Variants in VNN1 observed in about 807,000 individuals in gnomAD.
The protein encoded by VNN1 is pantetheinase.
Under a neutral mutation model 41.9 loss-of-function variants are expected in VNN1, and 29 were observed. That is an observed-to-expected ratio of 0.69 (90% CI 0.52 to 0.94). VNN1 has a LOEUF of 0.94. Among genes scored for constraint, VNN1 ranks in the 40% least tolerant of loss-of-function variants. The pLI is 0.00. For synonymous variants in VNN1, 233 were observed against 224.4 expected, an observed-to-expected ratio of 1.04 and a Z score of -0.34; for missense variants, 637 against 621.1, an observed-to-expected ratio of 1.03 and a Z score of -0.27.
Position 132,684,473 on chromosome 6 carries a change from AT to A in VNN1, c.1220del (p.Asn407IlefsTer2). 3 of 1,614,150 alleles carry A rather than the reference AT, an allele frequency of 1.9e-6. No homozygotes were observed. Among genetic ancestry groups the A allele is most frequent in the Non-Finnish European group, 2.5e-6 (3 of 1,179,994 alleles). On this transcript the variant is annotated frameshift_variant, in exon 6 of 7. Transcript: ENST00000367928. LOFTEE classifies it high-confidence loss of function. ...ICTLLKCKTT[N>X]LNTCGDSAET... is the part of the protein sequence containing the mutation. ...CAGCTGAGTCACCGCAAGTGTTTAA[AT>A]TAGTCGTTTTACATTTCAACAGGGT...
At chr6:132,688,675 G>A (rs763647981) in intron 5 of VNN1, among the ~76,000 whole-genome samples, 2 of 151,976 alleles carry the variant, frequency 1.3e-5, no homozygotes, top group South Asian at 4.2e-4. Flanking sequence ...AATTTATATA[G>A]CAATATAATA....
In VNN1 at chr6:132,682,919, G is replaced by A. The variant is rs954887231; in HGVS notation, c.*221C>T. 29 of 320,004 alleles carry A rather than the reference G, an allele frequency of 9.1e-5. No individual in the cohort carries two copies. Among genetic ancestry groups the A allele is most frequent in the Admixed American group, 5.4e-4 (11 of 20,502 alleles). The allele number at this position is 320,004 out of a possible 1,614,324, so 19.8% of individuals were successfully genotyped here. A position where few individuals can be genotyped will look rare whatever the true frequency, so the allele number is the denominator to read the frequency against. ...TACTTATTTGATATAATTAGCTCAC[G>A]TCCAAGAAAGACCAATGTTCAAATA... On this transcript the variant is annotated 3_prime_UTR_variant, in exon 7 of 7. Coordinates refer to ENST00000367928, the MANE Select transcript of VNN1 (RefSeq NM_004666.3).
Position 132,693,042 on chromosome 6 carries a change from G to A in VNN1, c.808C>T (p.Pro270Ser). 1 of 1,609,676 alleles carries A rather than the reference G, an allele frequency of 6.2e-7. No homozygotes were observed. The highest frequency in any genetic ancestry group is 1.1e-5 in the South Asian group (1 of 90,652). ...ACATTACCTGTCATTTTCTTTGAGG[G>A]GTAATGTATGTTGGATGCAAGGAAA... is the stretch of plus-strand genomic sequence containing the variant. ...VNFLASNIHY[P>S]SKKMTGSGIY... Residue 270 changes from proline (P) to serine (S), a missense_variant, in exon 4 of 7, where the codon CCC becomes TCC. Coordinates refer to ENST00000367928, the MANE Select transcript of VNN1 (RefSeq NM_004666.3).
chr6:132,696,543 G>A (rs951056554), intron 2 of VNN1, among the ~76,000 whole-genome samples: 1 of 152,138 alleles, frequency 6.6e-6, no homozygotes, highest in African/African-American at 2.4e-5. Context: ...AAGACAAAAT[G>A]AGAATCTTGA....
At chr6:132,688,194 CA>C (rs1374895075) in intron 5 of VNN1, among the ~76,000 whole-genome samples, 4 of 152,156 alleles carry the variant, frequency 2.6e-5, no homozygotes, top group Non-Finnish European at 5.9e-5. Flanking sequence ...CCCACTGGCA[CA>C]TTGGCATTAA....
chr6:132,693,937 C>G (rs1012513629), intron 3 of VNN1, 53 bp downstream of exon 3: 40 of 1,593,344 alleles, frequency 2.5e-5, no homozygotes, highest in South Asian at 3.3e-5. Context: ...TCTCCTTGCC[C>G]ACTTTATTTC....
At chr6:132,683,563 C>G (rs1435886059) in intron 6 of VNN1, among the ~76,000 whole-genome samples, 4 of 152,108 alleles carry the variant, frequency 2.6e-5, no homozygotes, top group Non-Finnish European at 5.9e-5. Context: ...GTGGAAGCGC[C>G]GTAAGAGTTA....
chr6:132,700,297 T>C (rs547998078), intron 2 of VNN1, among the ~76,000 whole-genome samples: 9 of 132,050 alleles, frequency 6.8e-5, no homozygotes, highest in Non-Finnish European at 1.2e-4. Context: ...ATACTTGTCA[T>C]CTAAATTTTA....
rs377113883 is a variant in VNN1, at chr6:132,689,722, T to C, written c.1188+2501A>G. Among the ~76,000 whole-genome samples, 5 of 152,226 alleles carry C rather than the reference T, an allele frequency of 3.3e-5. No homozygotes were observed. The East Asian group carries it at 9.6e-4, about 29-fold the overall frequency. On this transcript the variant is annotated intron_variant, in intron 5 of 6. Coordinates refer to ENST00000367928, the MANE Select transcript of VNN1 (RefSeq NM_004666.3). ...GTCTCCTTTGTCGTATCATTCACTG[T>C]TGTTTGCTTAATTGCCCCTTGTATC...
chr6:132,700,095 C>T (rs961793296), intron 2 of VNN1, among the ~76,000 whole-genome samples: 2 of 152,116 alleles, frequency 1.3e-5, no homozygotes, highest in African/African-American at 4.8e-5. Flanking sequence ...AAATTTGAAA[C>T]TATTCATATG....
At position 132,682,606 on chromosome 6, in the gene VNN1, T is replaced by C. The variant is rs1778141811; in HGVS notation, c.*534A>G. ...AGGGTCTATCCTAATGACCTTATTT[T>C]ACCTCTTTAAAGACCCTGTCTCCAA... On this transcript the variant is annotated 3_prime_UTR_variant, in exon 7 of 7. Transcript: ENST00000367928. 6.6e-6 allele frequency: 1 copy of C among 152,600 alleles called. No individual in the cohort carries two copies. The highest frequency in any genetic ancestry group is 2.4e-5 in the African/African-American group (1 of 41,466). The allele number at this position is 152,600 out of a possible 1,614,324, so 9.5% of individuals were successfully genotyped here.
At chr6:132,709,661 C>CA (rs36016222) in intron 2 of VNN1, among the ~76,000 whole-genome samples, 2,371 of 141,978 alleles carry the variant, frequency 0.017, 25 homozygotes, top group Middle Eastern at 0.039. Context: ...GTCTCTCTCT[C>CA]AAAAAAAAAA....
intron 4 of VNN1, 56 bp from the exon 5 acceptor site, chr6:132,692,640 A>C: frequency 6.6e-7 from 1 of 1,505,286 alleles, no homozygotes; most frequent in Non-Finnish European, 8.8e-7. Context: ...AAGGGATTTC[A>C]TAATTGTTAT....
At chr6:132,705,527 C>A (rs1048778185) in intron 2 of VNN1, among the ~76,000 whole-genome samples, 2 of 152,146 alleles carry the variant, frequency 1.3e-5, no homozygotes, top group Non-Finnish European at 2.9e-5. Context: ...TACCTCAACA[C>A]AATAATAGCC....
intron 2 of VNN1, among the ~76,000 whole-genome samples, chr6:132,708,754 A>C (rs1184497884): frequency 6.6e-6 from 1 of 152,120 alleles, no homozygotes; most frequent in African/African-American, 2.4e-5. Context: ...TCTATGCCAT[A>C]ATGATCACAA....
intron 2 of VNN1, among the ~76,000 whole-genome samples, chr6:132,709,837 A>G (rs1044210650): frequency 6.6e-6 from 1 of 152,208 alleles, no homozygotes; most frequent in Non-Finnish European, 1.5e-5. Flanking sequence ...AAGGCCATTC[A>G]GAAATAAGTC....
chr6:132,706,266 C>A (rs1778516564), intron 2 of VNN1, among the ~76,000 whole-genome samples: 1 of 152,068 alleles, frequency 6.6e-6, no homozygotes, highest in South Asian at 2.1e-4. Flanking sequence ...TACTACAGAG[C>A]TCTAGTAACC....
intron 2 of VNN1, among the ~76,000 whole-genome samples, chr6:132,702,873 A>G (rs2114363788): frequency 1.3e-5 from 2 of 152,348 alleles, no homozygotes; most frequent in Admixed American, 1.3e-4. Flanking sequence ...AGTGATAGCC[A>G]GGCAGTACTC....
At chr6:132,700,720 T>C (rs1007785170) in intron 2 of VNN1, among the ~76,000 whole-genome samples, 2 of 152,206 alleles carry the variant, frequency 1.3e-5, no homozygotes, top group African/African-American at 2.4e-5. Context: ...CAGTAATGAT[T>C]TATCTTTTTC....
Sources: allele counts gnomAD v4.1 joint callset (sites outside exome capture counted in the v4.1 genomes callset), GRCh38; gene constraint gnomAD v4.1.1; transcripts MANE v1.5; gene names NCBI Gene and HGNC (gene_info 2026-07-23, HGNC 2026-07-21).